Variants in ERICH1 observed in about 807,000 individuals in gnomAD.
The protein encoded by ERICH1 is glutamate rich 1.
ERICH1 carries 56 observed loss-of-function variants against 39.6 expected under a neutral mutation model. The ratio of observed to expected loss-of-function variants is 1.41; its 90% CI spans 1.14 to 1.77. The LOEUF (loss-of-function observed/expected upper bound fraction) is 1.77, where lower values mean the gene tolerates loss of function less well. Among genes scored for constraint, ERICH1 ranks in the 40% most tolerant of loss-of-function variants. ERICH1 has a pLI of 0.00. For synonymous variants in ERICH1, 313 were observed against 223.6 expected, an observed-to-expected ratio of 1.40 and a Z score of -3.57; for missense variants, 826 against 575.4, an observed-to-expected ratio of 1.44 and a Z score of -4.45.
chr8:687,566 G>A (rs970906061), intron 3 of ERICH1, among the ~76,000 whole-genome samples: 2 of 152,202 alleles, frequency 1.3e-5, no homozygotes, highest in African/African-American at 2.4e-5. Flanking sequence ...GGAACCCGTG[G>A]AGGGAGGCAG....
At chr8:703,473 G>C (rs911447441) in intron 2 of ERICH1, among the ~76,000 whole-genome samples, 4 of 152,140 alleles carry the variant, frequency 2.6e-5, no homozygotes, top group African/African-American at 7.2e-5. Context: ...GAGAAAAAGG[G>C]GGGCAGGCAG....
At chr8:623,978 A>G (rs905601287) in intron 3 of ERICH1, among the ~76,000 whole-genome samples, 4 of 152,230 alleles carry the variant, frequency 2.6e-5, no homozygotes, top group African/African-American at 9.6e-5. Context: ...AATGGGAGAA[A>G]ATATTTGCAA....
intron 2 of ERICH1, among the ~76,000 whole-genome samples, chr8:698,612 A>G (rs1810922203): frequency 6.6e-6 from 1 of 152,066 alleles, no homozygotes. Flanking sequence ...CTTCTGAAAA[A>G]CATTTTTAAA....
intron 3 of ERICH1, among the ~76,000 whole-genome samples, chr8:618,086 G>A (rs1428234698): frequency 1.3e-5 from 2 of 150,138 alleles, no homozygotes; most frequent in Admixed American, 6.6e-5. Context: ...AGTGATTGGT[G>A]CTCAGTCCAT....
downstream of ERICH1, chr8:664,180 A>G (rs943640210): frequency 7.1e-5 from 67 of 946,322 alleles, no homozygotes; most frequent in Non-Finnish European, 8.2e-5. Flanking sequence ...AAGAGAAAAA[A>G]AACTCAACTA....
At chr8:631,121 G>T (rs1035266068) in intron 3 of ERICH1, among the ~76,000 whole-genome samples, 3 of 152,246 alleles carry the variant, frequency 2.0e-5, no homozygotes, top group African/African-American at 7.2e-5. Flanking sequence ...ACCCTCCTAT[G>T]ATCACCCACA....
chr8:717,279 T>C lies in ERICH1; in HGVS notation c.23-1272A>G, dbSNP rs528491342. Among the ~76,000 whole-genome samples, 9 of 152,228 alleles carry C rather than the reference T, an allele frequency of 5.9e-5. No individual in the cohort carries two copies. In the South Asian group the frequency reaches 1.2e-3, roughly 21 times the overall value. On this transcript the variant is annotated intron_variant, in intron 1 of 5. Coordinates refer to ENST00000262109, the MANE Select transcript of ERICH1 (RefSeq NM_207332.3). ...TGAGAGGGTCCCCATACGCTATATT[T>C]TGAATATGATGCAGAAGTGCACTAG...
intron 3 of ERICH1, among the ~76,000 whole-genome samples, chr8:679,592 G>C (rs1805656931): frequency 6.6e-6 from 1 of 152,204 alleles, no homozygotes; most frequent in Non-Finnish European, 1.5e-5. Flanking sequence ...ATATTCACGA[G>C]ATTCCAGTCA....
At chr8:697,059 A>G (rs1810481798) in intron 2 of ERICH1, among the ~76,000 whole-genome samples, 1 of 152,168 alleles carries the variant, frequency 6.6e-6, no homozygotes, top group Non-Finnish European at 1.5e-5. Flanking sequence ...CTTCCCTCCC[A>G]GGAGGCAGCT....
chr8:662,848 C>G (rs956355137), downstream of ERICH1, among the ~76,000 whole-genome samples: 1 of 150,012 alleles, frequency 6.7e-6, no homozygotes. Context: ...ACAATGACTT[C>G]GGAGTTAGGG....
chr8:713,348 C>A (rs1057381576), intron 2 of ERICH1, among the ~76,000 whole-genome samples: 7 of 152,196 alleles, frequency 4.6e-5, no homozygotes, highest in Admixed American at 4.6e-4. Context: ...AAAGTATGTG[C>A]AAAAGCAGTC....
At chr8:702,147 C>A (rs180986286) in intron 2 of ERICH1, among the ~76,000 whole-genome samples, 2 of 149,188 alleles carry the variant, frequency 1.3e-5, no homozygotes, top group African/African-American at 5.0e-5. Context: ...TTTGAAGCAT[C>A]TAAAGAACCC....
chr8:662,646 C>A (rs1801598375), downstream of ERICH1, among the ~76,000 whole-genome samples: 1 of 152,056 alleles, frequency 6.6e-6, no homozygotes. Flanking sequence ...GAGACTCCAT[C>A]TCAAAAAGAA....
intron 3 of ERICH1, among the ~76,000 whole-genome samples, chr8:678,936 T>C (rs1805469862): frequency 6.6e-6 from 1 of 151,916 alleles, no homozygotes; most frequent in African/African-American, 2.4e-5. Flanking sequence ...CCGTCACAGC[T>C]CTGGCCTCTT....
At chr8:620,276 C>T (rs191373056) in intron 3 of ERICH1, among the ~76,000 whole-genome samples, 2 of 152,308 alleles carry the variant, frequency 1.3e-5, no homozygotes, top group East Asian at 3.9e-4. Context: ...TGTGCCACTG[C>T]ACTCCAGCCT....
intron 3 of ERICH1, among the ~76,000 whole-genome samples, chr8:687,963 A>G (rs1807868278): frequency 6.8e-6 from 1 of 148,034 alleles, no homozygotes; most frequent in Non-Finnish European, 1.5e-5. Flanking sequence ...CCCGGCGGCG[A>G]GAAGGCGCCG....
chr8:633,851 AT>A (rs1798207952), intron 3 of ERICH1, among the ~76,000 whole-genome samples: 1 of 152,244 alleles, frequency 6.6e-6, no homozygotes, highest in African/African-American at 2.4e-5. Flanking sequence ...AAGGAATGAA[AT>A]TGGCCCCTAC....
intron 1 of ERICH1, among the ~76,000 whole-genome samples, chr8:723,628 T>A (rs1817863279): frequency 6.6e-6 from 1 of 152,254 alleles, no homozygotes; most frequent in Non-Finnish European, 1.5e-5. Flanking sequence ...CTCTAGCTGA[T>A]CTCTTTTTCA....
intron 3 of ERICH1, among the ~76,000 whole-genome samples, chr8:652,163 T>A (rs1800046921): frequency 6.6e-6 from 1 of 152,158 alleles, no homozygotes; most frequent in Admixed American, 6.5e-5. Flanking sequence ...ATCGACGCCT[T>A]CCCTGAACTC....
Sources: gnomAD v4.1 joint callset for allele counts (sites outside exome capture counted in the v4.1 genomes callset) on GRCh38, gnomAD v4.1.1 for gene constraint, MANE v1.5 for transcripts, NCBI Gene and HGNC (gene_info 2026-07-23, HGNC 2026-07-21) for gene names.